The following CLVS1 variants were observed in gnomAD, a reference collection of about 807,000 sequenced individuals.
CLVS1 encodes the protein clavesin 1.
A neutral mutation model predicts 33.1 loss-of-function variants in CLVS1; 10 were observed. That is an observed-to-expected ratio of 0.30 (90% CI 0.19 to 0.51). The LOEUF is 0.51. Among genes scored for constraint, CLVS1 ranks in the 20% least tolerant of loss-of-function variants. The probability of loss-of-function intolerance (pLI) is 0.97; values close to 1 mark genes in which losing one functional copy is unlikely to be tolerated. For missense variants in CLVS1, 343 were observed against 433.4 expected, an observed-to-expected ratio of 0.79 and a Z score of 1.85; for synonymous variants, 163 against 166.1, an observed-to-expected ratio of 0.98 and a Z score of 0.14.
chr8:60,991,181 A>C, the CLVS1 span, among the ~76,000 whole-genome samples: 1 of 152,196 alleles, frequency 6.6e-6, no homozygotes, highest in Admixed American at 6.5e-5. Context: ...TAAGTCAACA[A>C]CATGCAAAAT....
At chr8:61,217,175 A>T (rs773020516) in intron 2 of CLVS1, among the ~76,000 whole-genome samples, 1 of 152,164 alleles carries the variant, frequency 6.6e-6, no homozygotes, top group African/African-American at 2.4e-5. Context: ...TCATAACTAT[A>T]GGTGGATTTT....
chr8:61,061,742 A>T (rs1388090881), intron 1 of CLVS1, among the ~76,000 whole-genome samples: 2 of 151,288 alleles, frequency 1.3e-5, no homozygotes, highest in Non-Finnish European at 2.9e-5. Context: ...GGCTTTCACA[A>T]ATGCCAGGGG....
intron 3 of CLVS1, among the ~76,000 whole-genome samples, chr8:61,385,230 G>C (rs1814033427): frequency 6.6e-6 from 1 of 152,162 alleles, no homozygotes; most frequent in African/African-American, 2.4e-5. Flanking sequence ...TCTGTGAATT[G>C]TTTAGTTCCA....
intron 3 of CLVS1, among the ~76,000 whole-genome samples, chr8:61,396,319 TTAAATTG>T (rs1271331486): frequency 6.6e-6 from 1 of 152,174 alleles, no homozygotes; most frequent in Non-Finnish European, 1.5e-5. Flanking sequence ...AATACATATT[TTAAATTG>T]TAAGTTTAAA....
chr8:61,181,991 G>A (rs967210597), intron 2 of CLVS1, among the ~76,000 whole-genome samples: 4 of 152,032 alleles, frequency 2.6e-5, no homozygotes, highest in South Asian at 4.2e-4. Flanking sequence ...GTGAGCCACC[G>A]TGTCCTGCCC....
chr8:61,219,099 G>A (rs370769455), intron 2 of CLVS1, among the ~76,000 whole-genome samples: 1 of 152,192 alleles, frequency 6.6e-6, no homozygotes, highest in Non-Finnish European at 1.5e-5. Context: ...AGAGTAGTGG[G>A]AAGCTTAGCT....
At chr8:61,372,644 A>T (rs894456734) in intron 2 of CLVS1, among the ~76,000 whole-genome samples, 1 of 151,646 alleles carries the variant, frequency 6.6e-6, no homozygotes, top group Non-Finnish European at 1.5e-5. Context: ...CCAGGATCCC[A>T]CCCAAGATCC....
chr8:61,291,715 T>C (rs1317092162), intron 1 of CLVS1, among the ~76,000 whole-genome samples: 1 of 152,166 alleles, frequency 6.6e-6, no homozygotes, highest in Non-Finnish European at 1.5e-5. Flanking sequence ...CCTGCCTTCC[T>C]CTCTTCCTTC....
intron 2 of CLVS1, among the ~76,000 whole-genome samples, chr8:61,273,666 G>A (rs188130358): frequency 0.019 from 2,857 of 152,304 alleles, 38 homozygotes; most frequent in African/African-American, 0.031. Context: ...AGGACCCTCC[G>A]AGCCAGGTGT....
chr8:61,201,674 A>G (rs999056238), intron 2 of CLVS1, among the ~76,000 whole-genome samples: 2 of 152,150 alleles, frequency 1.3e-5, no homozygotes, highest in Non-Finnish European at 2.9e-5. Context: ...TTTAATTATT[A>G]CATTTATTGC....
chr8:60,974,234 C>T, the CLVS1 span, among the ~76,000 whole-genome samples: 1 of 152,098 alleles, frequency 6.6e-6, no homozygotes, highest in Non-Finnish European at 1.5e-5. Context: ...TGGGGGCACT[C>T]CCCAAGTCCC....
In CLVS1 at chr8:61,209,574, T is replaced by C. The variant is rs548348855; in HGVS notation, c.-152+77714T>C. 1.2e-4 allele frequency among the ~76,000 whole-genome samples: 18 copies of C among 152,302 alleles called. No individual in the cohort carries two copies. In the East Asian group the frequency reaches 3.3e-3, roughly 28 times the overall value. ...AAGAAGAGACCAGTTTGACTTTGTG[T>C]TGTCTGAATGAGTGGTGAGAAGAAA... On this transcript the variant is annotated intron_variant, in intron 2 of 2. Transcript: ENST00000522621.
chr8:61,331,698 C>T (rs931428347), intron 2 of CLVS1, among the ~76,000 whole-genome samples: 1 of 152,120 alleles, frequency 6.6e-6, no homozygotes, highest in Non-Finnish European at 1.5e-5. Flanking sequence ...AACATCCTAT[C>T]CTGCTTTTCC....
chr8:61,318,845 T>C (rs1163234528), intron 2 of CLVS1, among the ~76,000 whole-genome samples: 1 of 152,084 alleles, frequency 6.6e-6, no homozygotes, highest in East Asian at 1.9e-4. Context: ...CCCTGGGCTC[T>C]GAAGAGCCTT....
chr8:61,062,900 A>G (rs1001966901), intron 1 of CLVS1, among the ~76,000 whole-genome samples: 3 of 152,170 alleles, frequency 2.0e-5, no homozygotes, highest in African/African-American at 7.2e-5. Context: ...ACCCAATACT[A>G]TGTTATTATG....
At chr8:61,367,848 C>A (rs1003852589) in intron 2 of CLVS1, among the ~76,000 whole-genome samples, 2 of 152,214 alleles carry the variant, frequency 1.3e-5, no homozygotes, top group Non-Finnish European at 1.5e-5. Flanking sequence ...CATCTACTGG[C>A]AGGAAAGTAA....
intron 2 of CLVS1, chr8:61,301,046 C>A: frequency 6.6e-6 from 1 of 152,344 alleles, no homozygotes; most frequent in Non-Finnish European, 1.5e-5. Context: ...GTATCTCTGC[C>A]TCTAGTCTTA....
chr8:61,074,619 A>C (rs1804875179), intron 1 of CLVS1, among the ~76,000 whole-genome samples: 1 of 151,756 alleles, frequency 6.6e-6, no homozygotes, highest in Non-Finnish European at 1.5e-5. Flanking sequence ...CTGTGATCTG[A>C]TCCTGACCTG....
chr8:61,077,317 C>T (rs1374924105), intron 1 of CLVS1, among the ~76,000 whole-genome samples: 5 of 151,926 alleles, frequency 3.3e-5, no homozygotes, highest in African/African-American at 4.8e-5. Flanking sequence ...GTGATCCACC[C>T]GCCTCGGCCT....
Sources: allele counts gnomAD v4.1 joint callset (sites outside exome capture counted in the v4.1 genomes callset), GRCh38; gene constraint gnomAD v4.1.1; transcripts MANE v1.5; gene names NCBI Gene and HGNC (gene_info 2026-07-23, HGNC 2026-07-21).